Variants in DAB1 observed in about 807,000 individuals in gnomAD.
DAB1 encodes the protein disabled homolog 1.
A neutral mutation model predicts 64.6 loss-of-function variants in DAB1; 15 were observed. The observed-to-expected ratio is 0.23, with a 90% CI of 0.16 to 0.36. The LOEUF (loss-of-function observed/expected upper bound fraction) is 0.36, where lower values mean the gene tolerates loss of function less well. Among genes scored for constraint, DAB1 ranks in the 10% least tolerant of loss-of-function variants. The pLI, the probability that DAB1 is intolerant of heterozygous loss-of-function variation, is 1.00. For synonymous variants in DAB1, 235 were observed against 251.9 expected (o/e 0.93, Z 0.64); for missense variants, 596 against 706.7 (o/e 0.84, Z 1.78).
intron 3 of DAB1, among the ~76,000 whole-genome samples, chr1:58,493,702 A>C (rs186822): frequency 0.05 from 7,642 of 151,672 alleles, 629 homozygotes; most frequent in African/African-American, 0.18. Flanking sequence ...TAGGAATCCA[A>C]CTTACAAGGG....
chr1:57,364,808 A>T (rs1050125038), intron 1 of DAB1, among the ~76,000 whole-genome samples: 2 of 150,726 alleles, frequency 1.3e-5, no homozygotes, highest in Non-Finnish European at 1.5e-5. Context: ...GTTCAAAATC[A>T]GGCAAAATGA....
chr1:58,074,978 T>C (rs1324357010), intron 5 of DAB1, among the ~76,000 whole-genome samples: 1 of 152,080 alleles, frequency 6.6e-6, no homozygotes, highest in African/African-American at 2.4e-5. Flanking sequence ...AAACAAAGTT[T>C]CCAAAGCTGA....
chr1:57,256,671 T>C (rs1317476953), intron 2 of DAB1, among the ~76,000 whole-genome samples: 1 of 152,256 alleles, frequency 6.6e-6, no homozygotes, highest in Non-Finnish European at 1.5e-5. Flanking sequence ...CTATCTTGCC[T>C]TGTTCTTCAG....
intron 4 of DAB1, among the ~76,000 whole-genome samples, chr1:58,185,799 C>T (rs182621582): frequency 7.5e-4 from 114 of 152,258 alleles, no homozygotes; most frequent in Non-Finnish European, 1.2e-3. Flanking sequence ...AATCTAAAAA[C>T]GTGTGTTCAG....
At chr1:57,893,302 G>T (rs1644345142) in intron 5 of DAB1, among the ~76,000 whole-genome samples, 1 of 152,094 alleles carries the variant, frequency 6.6e-6, no homozygotes, top group South Asian at 2.1e-4. Context: ...TAACAACCCA[G>T]TCAGAGGCTG....
Position 58,172,368 on chromosome 1 carries a change from T to C in DAB1, n.310-21780A>G, listed in dbSNP as rs187952610. ...ACGGGTAGTTGTGGTGGTGGCCGTC[T>C]TAGCATCAGAGGCTATCAAAATAAT... On this transcript the variant is annotated intron_variant and non_coding_transcript_variant, in intron 4 of 20. Coordinates refer to the DAB1 transcript ENST00000485760. 3.6e-3 allele frequency among the ~76,000 whole-genome samples: 550 copies of C among 152,256 alleles called. 4 individuals are homozygous for C. Among genetic ancestry groups the C allele is most frequent in the African/African-American group, 0.012 (516 of 41,538 alleles).
intron 1 of DAB1, among the ~76,000 whole-genome samples, chr1:57,303,481 A>G (rs1673848029): frequency 6.6e-6 from 1 of 152,156 alleles, no homozygotes; most frequent in South Asian, 2.1e-4. Flanking sequence ...TTGGATATAT[A>G]AGAGGATATG....
At chr1:57,763,711 A>G (rs1557467107) in intron 6 of DAB1, among the ~76,000 whole-genome samples, 1 of 152,178 alleles carries the variant, frequency 6.6e-6, no homozygotes, top group Admixed American at 6.5e-5. Flanking sequence ...GGCCACACCA[A>G]AACAGAGATG....
At chr1:57,846,455 C>CAAAA (rs71051260) in intron 1 of DAB1, among the ~76,000 whole-genome samples, 1 of 113,678 alleles carries the variant, frequency 8.8e-6, no homozygotes, top group African/African-American at 3.6e-5. Context: ...AAGACTCCAT[C>CAAAA]AAAAAAAAAA....
At chr1:58,490,838 C>T (rs1485062229) in intron 3 of DAB1, among the ~76,000 whole-genome samples, 3 of 116,652 alleles carry the variant, frequency 2.6e-5, no homozygotes, top group Admixed American at 1.2e-4. Context: ...GACGGACTCT[C>T]GCTCTCGCCC....
intron 1 of DAB1, among the ~76,000 whole-genome samples, chr1:57,382,588 C>G (rs1405934171): frequency 6.6e-6 from 1 of 152,096 alleles, no homozygotes; most frequent in African/African-American, 2.4e-5. Flanking sequence ...GAATCCATTT[C>G]CTTGCTTTTT....
At chr1:57,695,322 AAG>A (rs1646816308) in intron 6 of DAB1, among the ~76,000 whole-genome samples, 1 of 114,708 alleles carries the variant, frequency 8.7e-6, no homozygotes, top group Non-Finnish European at 1.8e-5. Flanking sequence ...GAAAGAAAGA[AAG>A]AAAGAAAGAA....
At chr1:57,648,941 A>T (rs1458491574) in intron 7 of DAB1, among the ~76,000 whole-genome samples, 2 of 152,212 alleles carry the variant, frequency 1.3e-5, no homozygotes, top group African/African-American at 4.8e-5. Context: ...ATCCCCAGTA[A>T]ACAAGAAATA....
chr1:58,304,174 C>A (rs187451598), intron 4 of DAB1, among the ~76,000 whole-genome samples: 37 of 152,234 alleles, frequency 2.4e-4, no homozygotes, highest in Admixed American at 7.2e-4. Flanking sequence ...TACTCAGGCA[C>A]TGTTTAGAAC....
intron 4 of DAB1, among the ~76,000 whole-genome samples, chr1:57,073,557 G>T (rs575704951): frequency 7.9e-5 from 12 of 152,166 alleles, no homozygotes; most frequent in Admixed American, 6.5e-4. Flanking sequence ...TCATCTGGGT[G>T]CTTATGGTAT....
chr1:57,714,930 A>G (rs1647067755), intron 6 of DAB1, among the ~76,000 whole-genome samples: 1 of 152,198 alleles, frequency 6.6e-6, no homozygotes, highest in Admixed American at 6.6e-5. Flanking sequence ...GAAATAATAC[A>G]GGATGAACAT....
At chr1:57,926,801 T>C (rs754216324) in intron 5 of DAB1, among the ~76,000 whole-genome samples, 22 of 152,224 alleles carry the variant, frequency 1.4e-4, no homozygotes, top group Non-Finnish European at 3.1e-4. Flanking sequence ...ATAATGTTGT[T>C]CAAAAGGGTT....
intron 5 of DAB1, among the ~76,000 whole-genome samples, chr1:58,017,070 T>A (rs1003498856): frequency 2.0e-5 from 3 of 152,040 alleles, no homozygotes; most frequent in African/African-American, 7.2e-5. Flanking sequence ...AGCACCATAA[T>A]GGGAGGCATA....
intron 5 of DAB1, among the ~76,000 whole-genome samples, chr1:57,978,302 A>ATAAGCAATGGGGAAAAGATGCCCTATT (rs1183843185): frequency 6.6e-6 from 1 of 152,190 alleles, no homozygotes; most frequent in Non-Finnish European, 1.5e-5. Flanking sequence ...CCTGAAACAA[A>ATAAGCAATGGGGAAAAGATGCCCTATT]TAAGCAATGG....
Sources: gnomAD v4.1 joint callset for allele counts (sites outside exome capture counted in the v4.1 genomes callset) on GRCh38, gnomAD v4.1.1 for gene constraint, MANE v1.5 for transcripts, NCBI Gene and HGNC (gene_info 2026-07-23, HGNC 2026-07-21) for gene names.